The following SGCZ variants were observed in gnomAD, a reference collection of about 807,000 sequenced individuals.
SGCZ encodes zeta-sarcoglycan.
In SGCZ, 40 loss-of-function variants were observed where a neutral mutation model predicts 41.3. The observed-to-expected ratio is 0.97, with a 90% confidence interval of 0.75 to 1.26. The LOEUF (loss-of-function observed/expected upper bound fraction) is 1.26. Among genes scored for constraint, SGCZ ranks in the 50% most tolerant of loss-of-function variants. The probability of loss-of-function intolerance (pLI) is 0.00; values close to 1 mark genes in which losing one functional copy is unlikely to be tolerated. For synonymous variants in SGCZ, 206 were observed against 137.5 expected, an observed-to-expected ratio of 1.50 and a Z score of -3.49; for missense variants, 552 against 369.8, an observed-to-expected ratio of 1.49 and a Z score of -4.04.
At chr8:14,167,509 T>A (rs956657216) in intron 4 of SGCZ, among the ~76,000 whole-genome samples, 4 of 152,064 alleles carry the variant, frequency 2.6e-5, no homozygotes, top group Admixed American at 1.3e-4. Flanking sequence ...AAACACTTCC[T>A]TAGGAACATC....
At chr8:14,720,406 C>A (rs1364401155) in intron 1 of SGCZ, among the ~76,000 whole-genome samples, 1 of 151,986 alleles carries the variant, frequency 6.6e-6, no homozygotes, top group Non-Finnish European at 1.5e-5. Flanking sequence ...CTACTGTAAA[C>A]AAATTTTTCT....
intron 1 of SGCZ, among the ~76,000 whole-genome samples, chr8:14,702,732 G>GATAGATAC (rs1459529286): frequency 1.9e-3 from 42 of 22,564 alleles, no homozygotes; most frequent in African/African-American, 8.1e-3. Context: ...TGGCTTCAAT[G>GATAGATAC]ATAGATAGAT....
In SGCZ at chr8:14,867,133, G is replaced by A. The variant is rs554263569; in HGVS notation, c.40-312207C>T. On this transcript the variant is annotated intron_variant, in intron 1 of 7. Coordinates refer to ENST00000382080, the MANE Select transcript of SGCZ (RefSeq NM_139167.4). Reference sequence around the variant, plus strand: ...TTTTTCTGTCTCCACTTTCTCCTTCGCTCATTCTTTTCTTTCTTTCTTTCT... The same window carrying A: ...TTTTTCTGTCTCCACTTTCTCCTTCACTCATTCTTTTCTTTCTTTCTTTCT... Among the ~76,000 whole-genome samples the A allele has an allele frequency of 1.6e-4, 24 of 151,980 alleles. No individual in the cohort carries two copies. The East Asian group carries it at 2.5e-3, about 16-fold the overall frequency.
intron 2 of SGCZ, among the ~76,000 whole-genome samples, chr8:14,392,035 A>T (rs1804794852): frequency 6.6e-6 from 1 of 152,180 alleles, no homozygotes; most frequent in Admixed American, 6.5e-5. Flanking sequence ...ATGAGATTTG[A>T]GTATGGACAC....
intron 1 of SGCZ, among the ~76,000 whole-genome samples, chr8:15,050,777 A>C (rs1804483529): frequency 6.6e-6 from 1 of 152,148 alleles, no homozygotes. Context: ...CAAAGAAGTT[A>C]GGCTCTGAAG....
intron 2 of SGCZ, among the ~76,000 whole-genome samples, chr8:14,502,503 A>G (rs1802182688): frequency 6.6e-6 from 1 of 152,162 alleles, no homozygotes; most frequent in African/African-American, 2.4e-5. Context: ...ATAAACAATG[A>G]CACTTTTAAA....
At position 15,161,082 on chromosome 8, in the gene SGCZ, C is replaced by A. The variant is rs79217612; in HGVS notation, c.39+76503G>T. Among the ~76,000 whole-genome samples, 149 of 152,132 alleles carry A rather than the reference C, an allele frequency of 9.8e-4. 1 individual carries two copies. The highest frequency in any genetic ancestry group is 3.3e-3 in the African/African-American group (136 of 41,496). ...GCAAGATCTGAAGATCTTGCAGTGG[C>A]CTCTCAAATCCTTAGGTGATCTGGT... On this transcript the variant is annotated intron_variant, in intron 1 of 7. Coordinates refer to ENST00000382080, the MANE Select transcript of SGCZ (RefSeq NM_139167.4).
At chr8:14,733,569 C>T (rs2130248709) in intron 1 of SGCZ, among the ~76,000 whole-genome samples, 1 of 152,224 alleles carries the variant, frequency 6.6e-6, no homozygotes, top group South Asian at 2.1e-4. Context: ...TAATTATCTT[C>T]CTTGAATCTT....
At chr8:14,815,226 T>C (rs1054814608) in intron 1 of SGCZ, among the ~76,000 whole-genome samples, 4 of 150,786 alleles carry the variant, frequency 2.7e-5, no homozygotes, top group East Asian at 1.9e-4. Context: ...TTTACTTGAG[T>C]AGATTATCTC....
chr8:14,292,171 T>C (rs1253527099), intron 3 of SGCZ, among the ~76,000 whole-genome samples: 1 of 152,062 alleles, frequency 6.6e-6, no homozygotes, highest in African/African-American at 2.4e-5. Context: ...AACTAGGAGC[T>C]AGATGCAAGA....
intron 2 of SGCZ, among the ~76,000 whole-genome samples, chr8:14,377,520 G>T (rs574107797): frequency 1.3e-5 from 2 of 151,376 alleles, no homozygotes; most frequent in Non-Finnish European, 2.9e-5. Flanking sequence ...TATTTTTTTT[G>T]TTTTTATTTT....
chr8:14,409,664 G>C (rs1488284107), intron 2 of SGCZ, among the ~76,000 whole-genome samples: 1 of 152,038 alleles, frequency 6.6e-6, no homozygotes, highest in Admixed American at 6.6e-5. Context: ...AGCAAAAATA[G>C]CTAACGCTAA....
intron 1 of SGCZ, among the ~76,000 whole-genome samples, chr8:14,731,067 C>A (rs1293913778): frequency 6.6e-6 from 1 of 151,704 alleles, no homozygotes. Context: ...ATAATTCTAC[C>A]ATAAACACAC....
intron 1 of SGCZ, among the ~76,000 whole-genome samples, chr8:14,961,533 T>C (rs983483932): frequency 6.6e-5 from 10 of 152,178 alleles, no homozygotes; most frequent in Admixed American, 3.9e-4. Flanking sequence ...ATTGTTATAA[T>C]TGTTCTCTCT....
intron 2 of SGCZ, among the ~76,000 whole-genome samples, chr8:14,538,462 C>G (rs574759754): frequency 6.6e-6 from 1 of 151,906 alleles, no homozygotes; most frequent in Non-Finnish European, 1.5e-5. Flanking sequence ...CCAAGAGAAA[C>G]TTAACCCAAC....
At chr8:15,096,235 C>T (rs141218905) in intron 1 of SGCZ, among the ~76,000 whole-genome samples, 26 of 151,948 alleles carry the variant, frequency 1.7e-4, no homozygotes, top group African/African-American at 6.3e-4. Flanking sequence ...CACAACCACG[C>T]CCAGCTAACT....
chr8:14,256,587 A>C (rs1335571043), intron 3 of SGCZ, among the ~76,000 whole-genome samples: 1 of 152,160 alleles, frequency 6.6e-6, no homozygotes, highest in African/African-American at 2.4e-5. Context: ...TGAAGGTTTA[A>C]ACCCTTAAGA....
At chr8:15,108,243 A>T (rs534858692) in intron 1 of SGCZ, among the ~76,000 whole-genome samples, 1 of 152,342 alleles carries the variant, frequency 6.6e-6, no homozygotes, top group African/African-American at 2.4e-5. Flanking sequence ...AATTAGTAAT[A>T]TGGGTTTTAA....
intron 2 of SGCZ, among the ~76,000 whole-genome samples, chr8:14,451,646 A>G (rs1216850032): frequency 6.6e-6 from 1 of 152,238 alleles, no homozygotes; most frequent in African/African-American, 2.4e-5. Flanking sequence ...ACTCTATGCT[A>G]AGTAAATGAA....
Sources: gnomAD v4.1 joint callset for allele counts (sites outside exome capture counted in the v4.1 genomes callset) on GRCh38, gnomAD v4.1.1 for gene constraint, MANE v1.5 for transcripts, NCBI Gene and HGNC (gene_info 2026-07-23, HGNC 2026-07-21) for gene names.